The following GNA12 variants were observed in gnomAD, a reference collection of about 807,000 sequenced individuals.
The protein encoded by GNA12 is G protein subunit alpha 12.
In GNA12, 9 loss-of-function variants were observed where a neutral mutation model predicts 26.0. That is an observed-to-expected ratio of 0.35 (90% CI 0.21 to 0.60). The LOEUF (loss-of-function observed/expected upper bound fraction) is 0.60. Among genes scored for constraint, GNA12 ranks in the 20% least tolerant of loss-of-function variants. The pLI, the probability that GNA12 is intolerant of heterozygous loss-of-function variation, is 0.78. For missense variants in GNA12, 405 were observed against 525.8 expected, an observed-to-expected ratio of 0.77 and a Z score of 2.25; for synonymous variants, 264 against 219.6, an observed-to-expected ratio of 1.20 and a Z score of -1.79.
intron 1 of GNA12, among the ~76,000 whole-genome samples, chr7:2,821,574 A>G (rs1037225798): frequency 2.6e-5 from 4 of 152,232 alleles, no homozygotes; most frequent in Non-Finnish European, 5.9e-5. Flanking sequence ...GGTGGCCCCA[A>G]GCAAAACAAT....
At chr7:2,816,608 T>C (rs1300296106) in intron 1 of GNA12, among the ~76,000 whole-genome samples, 4 of 152,186 alleles carry the variant, frequency 2.6e-5, no homozygotes, top group Admixed American at 2.0e-4. Context: ...AATATACATA[T>C]TGATTATGGA....
intron 2 of GNA12, among the ~76,000 whole-genome samples, chr7:2,748,679 G>C (rs1790882588): frequency 6.6e-6 from 1 of 152,146 alleles, no homozygotes; most frequent in Non-Finnish European, 1.5e-5. Flanking sequence ...TTAAACTAAA[G>C]AGTTTCTGCA....
intron 1 of GNA12, among the ~76,000 whole-genome samples, chr7:2,840,195 G>A (rs1305977614): frequency 6.6e-6 from 1 of 152,148 alleles, no homozygotes; most frequent in Non-Finnish European, 1.5e-5. Flanking sequence ...CTGGCAGAGG[G>A]TATGTGGGAT....
At chr7:2,778,173 T>TA (rs913817339) in intron 2 of GNA12, among the ~76,000 whole-genome samples, 20 of 151,704 alleles carry the variant, frequency 1.3e-4, no homozygotes, top group Non-Finnish European at 1.0e-4. Context: ...AGAAGAGACT[T>TA]AAAAAAAAGC....
rs780830669 is a variant in GNA12 at position 2,795,135 on chromosome 7, C to T, written c.318G>A (p.Arg106=). 1.2e-6 allele frequency: 2 copies of T among 1,610,990 alleles called. No homozygotes were observed. The highest frequency in any genetic ancestry group is 1.1e-5 in the South Asian group (1 of 91,006). Residue 106 remains arginine, a synonymous_variant, in exon 2 of 4, where the codon AGG becomes AGA. Coordinates refer to ENST00000275364, the MANE Select transcript of GNA12 (RefSeq NM_007353.3). ...TIFDNILKGS[R]VLVDARDKLG... is the part of the protein sequence containing the mutation. ...GCTTATCTCGTGCATCAACAAGAAC[C>T]CTTGAGCCCTAGAAAATAAAAGAAA... is the stretch of plus-strand genomic sequence containing the variant.
At chr7:2,763,564 T>C (rs915057887) in intron 2 of GNA12, among the ~76,000 whole-genome samples, 8 of 152,358 alleles carry the variant, frequency 5.3e-5, no homozygotes, top group African/African-American at 1.7e-4. Flanking sequence ...GGTCCTGTAA[T>C]CTAAGGCTAG....
intron 1 of GNA12, among the ~76,000 whole-genome samples, chr7:2,821,571 C>G (rs1048772979): frequency 6.6e-6 from 1 of 152,168 alleles, no homozygotes; most frequent in Admixed American, 6.5e-5. Flanking sequence ...CTGGGTGGCC[C>G]CAAGCAAAAC....
intron 2 of GNA12, among the ~76,000 whole-genome samples, chr7:2,769,766 C>G (rs1460378667): frequency 6.6e-6 from 1 of 151,994 alleles, no homozygotes; most frequent in Admixed American, 6.6e-5. Context: ...AAAAAAAACA[C>G]AGCTCTGGCC....
chr7:2,762,789 G>C, intron 2 of GNA12: 1 of 1,540,032 alleles, frequency 6.5e-7, no homozygotes, highest in Non-Finnish European at 8.8e-7. Flanking sequence ...GTACAAAAGG[G>C]AGGAGGAGCA....
intron 2 of GNA12, among the ~76,000 whole-genome samples, chr7:2,782,059 G>A (rs1792242823): frequency 6.6e-6 from 1 of 152,160 alleles, no homozygotes; most frequent in Admixed American, 6.5e-5. Flanking sequence ...TGGGGAAAGA[G>A]GAGACATTTA....
At chr7:2,786,637 A>G (rs1007825219) in intron 2 of GNA12, among the ~76,000 whole-genome samples, 1 of 152,208 alleles carries the variant, frequency 6.6e-6, no homozygotes. Context: ...AAATCCTCTC[A>G]TGCACCTGGT....
At chr7:2,795,276 G>A in intron 1 of GNA12, 133 bp from the exon 2 acceptor site, 1 of 688,134 alleles carries the variant, frequency 1.5e-6, no homozygotes. Flanking sequence ...GCCTGAGTCT[G>A]TCTCTTGGTT....
intron 2 of GNA12, among the ~76,000 whole-genome samples, chr7:2,755,501 A>G (rs1791251091): frequency 6.6e-6 from 1 of 152,210 alleles, no homozygotes; most frequent in Non-Finnish European, 1.5e-5. Context: ...TTTTAAAATG[A>G]CTGTTAATGG....
intron 1 of GNA12, among the ~76,000 whole-genome samples, chr7:2,841,028 ATAAT>A (rs1356368258): frequency 6.6e-6 from 1 of 152,272 alleles, no homozygotes; most frequent in African/African-American, 2.4e-5. Context: ...ATATGGAACT[ATAAT>A]TAGTAAAAAA....
At chr7:2,737,285 TTTTG>T (rs1303853311) in intron 2 of GNA12, among the ~76,000 whole-genome samples, 4,148 of 44,794 alleles carry the variant, frequency 0.093, 580 homozygotes, top group Admixed American at 0.15. Flanking sequence ...TTTTTTTTTT[TTTTG>T]TTTTTTTTTT....
intron 1 of GNA12, 55 bp from the exon 2 acceptor site, chr7:2,795,198 C>T (rs531842185): frequency 2.5e-4 from 329 of 1,341,896 alleles, no homozygotes; most frequent in Admixed American, 6.3e-4. Flanking sequence ...GACTAAACCA[C>T]GCTAGAGAAG....
At chr7:2,758,745 C>T (rs1279214488) in intron 2 of GNA12, among the ~76,000 whole-genome samples, 4 of 152,204 alleles carry the variant, frequency 2.6e-5, no homozygotes, top group Non-Finnish European at 5.9e-5. Context: ...GGCTGGAAGC[C>T]ACCAGTGCCC....
intron 2 of GNA12, among the ~76,000 whole-genome samples, chr7:2,788,314 C>T (rs960847601): frequency 8.5e-5 from 13 of 152,176 alleles, no homozygotes; most frequent in African/African-American, 1.2e-4. Context: ...CCTGCCTTGT[C>T]GCTGTGGCCA....
At chr7:2,792,655 T>C (rs1395527736) in intron 2 of GNA12, among the ~76,000 whole-genome samples, 1 of 152,246 alleles carries the variant, frequency 6.6e-6, no homozygotes, top group African/African-American at 2.4e-5. Flanking sequence ...CTGACATGTA[T>C]TTCCCAATTG....
Sources: gnomAD v4.1 joint callset for allele counts (sites outside exome capture counted in the v4.1 genomes callset) on GRCh38, gnomAD v4.1.1 for gene constraint, MANE v1.5 for transcripts, NCBI Gene and HGNC (gene_info 2026-07-23, HGNC 2026-07-21) for gene names.